PREX2: variants seen among roughly 807,000 people sequenced by gnomAD.
PREX2 encodes the protein phosphatidylinositol-3,4,5-trisphosphate dependent Rac exchange factor 2, also known as phosphatidylinositol 3,4,5-trisphosphate-dependent Rac exchanger 2 protein.
In PREX2, 107 loss-of-function variants were observed where a neutral mutation model predicts 203.2. The ratio of observed to expected loss-of-function variants is 0.53; its 90% CI spans 0.45 to 0.62. The LOEUF (loss-of-function observed/expected upper bound fraction) is 0.62, where lower values mean the gene tolerates loss of function less well. Ranked by LOEUF, PREX2 falls within the 20% of genes least tolerant of loss-of-function variation. The pLI, the probability that PREX2 is intolerant of heterozygous loss-of-function variation, is 0.00. For synonymous variants in PREX2, 672 were observed against 663.6 expected (o/e 1.01, Z -0.19); for missense variants, 1,777 against 1,955.9 (o/e 0.91, Z 1.72).
At chr8:68,118,762 C>G in intron 27 of PREX2, 118 bp downstream of exon 27, 5 of 807,242 alleles carry the variant, frequency 6.2e-6, no homozygotes, top group Middle Eastern at 4.5e-4. Context: ...ATCAGTCACT[C>G]TCTGTGGCCA....
intron 38 of PREX2, chr8:68,223,414 C>T (rs1585874854): frequency 1.3e-5 from 2 of 152,298 alleles, no homozygotes; most frequent in East Asian, 3.9e-4. Flanking sequence ...ATTGAGATAA[C>T]TGCTTTTGGA....
At chr8:68,192,933 G>A (rs1253075704) in intron 37 of PREX2, among the ~76,000 whole-genome samples, 2 of 152,164 alleles carry the variant, frequency 1.3e-5, no homozygotes, top group African/African-American at 2.4e-5. Context: ...AGTGTTGTGA[G>A]CTAGATGCTG....
At chr8:68,159,793 C>T (rs1037207229) in intron 35 of PREX2, among the ~76,000 whole-genome samples, 2 of 151,978 alleles carry the variant, frequency 1.3e-5, no homozygotes, top group Non-Finnish European at 2.9e-5. Flanking sequence ...AAAAAGAATA[C>T]AGATTTTTGT....
intron 15 of PREX2, among the ~76,000 whole-genome samples, chr8:68,077,886 A>G (rs539829902): frequency 6.6e-6 from 1 of 152,306 alleles, no homozygotes; most frequent in South Asian, 2.1e-4. Context: ...GTTATTTTTA[A>G]GAAAAATGTT....
rs923691886 is a variant in PREX2 at position 68,236,193 on chromosome 8, T to C, written c.*4815T>C. On this transcript the variant is annotated 3_prime_UTR_variant, in exon 40 of 40. Transcript: ENST00000288368. ...TCACTGACACTACTTTGCTGTTCAATCTGGAATCAACTGACCTGGCTCTGC... is the reference window on the plus strand; with the variant it reads ...TCACTGACACTACTTTGCTGTTCAACCTGGAATCAACTGACCTGGCTCTGC... 4 of 152,130 alleles carry C rather than the reference T, an allele frequency of 2.6e-5. No homozygotes were observed. Among genetic ancestry groups the C allele is most frequent in the African/African-American group, 9.6e-5 (4 of 41,454 alleles). 9.4% of individuals were successfully genotyped at this position (152,130 alleles called of 1,614,324 possible). A position where few individuals can be genotyped will look rare whatever the true frequency, so the allele number is the denominator to read the frequency against.
intron 22 of PREX2, among the ~76,000 whole-genome samples, chr8:68,098,196 T>C (rs1184416839): frequency 6.6e-6 from 1 of 152,204 alleles, no homozygotes; most frequent in African/African-American, 2.4e-5. Context: ...TTCATACTGC[T>C]CTATATTCTA....
At chr8:68,193,194 C>T (rs1173863994) in intron 37 of PREX2, among the ~76,000 whole-genome samples, 4 of 152,248 alleles carry the variant, frequency 2.6e-5, no homozygotes, top group East Asian at 1.9e-4. Context: ...CATATGCTTT[C>T]GCCTCTCCAT....
chr8:68,191,715 C>A lies in PREX2; in HGVS notation c.4347-7C>A. 1 of 1,595,838 alleles carries A rather than the reference C, an allele frequency of 6.3e-7. No individual in the cohort carries two copies. The highest frequency in any genetic ancestry group is 1.7e-5 in the Admixed American group (1 of 59,864). ...CAAATGATAATTTATTTCTTGGATT[C>A]TTACAGGGCATTCTACTTGGACAAG... is the stretch of plus-strand genomic sequence containing the variant. On this transcript the variant is annotated splice_polypyrimidine_tract_variant and splice_region_variant and intron_variant, in intron 35 of 39. Coordinates refer to ENST00000288368, the MANE Select transcript of PREX2 (RefSeq NM_024870.4).
chr8:68,208,592 T>C (rs1057148281), intron 37 of PREX2, among the ~76,000 whole-genome samples: 1 of 152,160 alleles, frequency 6.6e-6, no homozygotes, highest in Non-Finnish European at 1.5e-5. Context: ...CTGAATAAAA[T>C]GGGACCACGA....
intron 35 of PREX2, among the ~76,000 whole-genome samples, chr8:68,160,593 T>C (rs1811635034): frequency 6.6e-6 from 1 of 152,166 alleles, no homozygotes; most frequent in Admixed American, 6.5e-5. Flanking sequence ...GTCTTGGACT[T>C]ACAGGGGTTA....
chr8:68,221,304 G>C (rs1285618135), intron 38 of PREX2, among the ~76,000 whole-genome samples: 1 of 152,074 alleles, frequency 6.6e-6, no homozygotes, highest in Non-Finnish European at 1.5e-5. Flanking sequence ...TTGCTATTGT[G>C]AATAAAAGAG....
At chr8:68,007,120 G>C (rs1320658529) in intron 1 of PREX2, among the ~76,000 whole-genome samples, 1 of 152,180 alleles carries the variant, frequency 6.6e-6, no homozygotes, top group Non-Finnish European at 1.5e-5. Flanking sequence ...GGAGCATTTT[G>C]TTGGCAGCTA....
intron 25 of PREX2, among the ~76,000 whole-genome samples, chr8:68,115,187 C>T (rs532982784): frequency 1.4e-4 from 21 of 151,982 alleles, no homozygotes; most frequent in African/African-American, 4.8e-4. Flanking sequence ...GCCACCACGC[C>T]CGGCTAATTT....
intron 14 of PREX2, among the ~76,000 whole-genome samples, chr8:68,076,886 T>C (rs1809369471): frequency 6.6e-6 from 1 of 152,156 alleles, no homozygotes; most frequent in African/African-American, 2.4e-5. Flanking sequence ...TTGTATTTGC[T>C]AGCTCAGCCA....
chr8:68,076,435 C>T (rs560651085), intron 14 of PREX2, among the ~76,000 whole-genome samples: 11 of 151,352 alleles, frequency 7.3e-5, no homozygotes, highest in Admixed American at 2.0e-4. Context: ...CCAGCCTGAG[C>T]GACAGAGTGA....
chr8:67,972,466 G>A (rs532037005), intron 1 of PREX2, among the ~76,000 whole-genome samples: 1 of 152,316 alleles, frequency 6.6e-6, no homozygotes, highest in African/African-American at 2.4e-5. Flanking sequence ...TGAATTTACT[G>A]CATTCTCTTC....
chr8:67,980,165 A>C (rs1806225664), intron 1 of PREX2, among the ~76,000 whole-genome samples: 1 of 152,238 alleles, frequency 6.6e-6, no homozygotes, highest in African/African-American at 2.4e-5. Context: ...TGGCATATTC[A>C]GAAATCAGTG....
chr8:68,118,835 G>A, intron 27 of PREX2, 191 bp downstream of exon 27: 1 of 724,082 alleles, frequency 1.4e-6, no homozygotes, highest in Non-Finnish European at 2.6e-6. Flanking sequence ...TTTAAAGGGA[G>A]TGAGTTAAAA....
chr8:68,081,221 A>G (rs1394496542), intron 17 of PREX2, among the ~76,000 whole-genome samples: 11 of 152,130 alleles, frequency 7.2e-5, no homozygotes, highest in Admixed American at 7.2e-4. Context: ...TATGGTCAAC[A>G]TAGATCCCCC....
Sources: gnomAD v4.1 joint callset for allele counts (sites outside exome capture counted in the v4.1 genomes callset) on GRCh38, gnomAD v4.1.1 for gene constraint, MANE v1.5 for transcripts, NCBI Gene and HGNC (gene_info 2026-07-23, HGNC 2026-07-21) for gene names.